The following CSAD variants were observed in gnomAD, a reference collection of about 807,000 sequenced individuals.
CSAD encodes cysteine sulfinic acid decarboxylase.
In CSAD, 47 loss-of-function variants were observed where a neutral mutation model predicts 61.5. That is an observed-to-expected ratio of 0.76 (90% CI 0.60 to 0.97). The LOEUF is 0.97. Ranked by LOEUF, CSAD falls within the 50% of genes least tolerant of loss-of-function variation. CSAD has a pLI of 0.00. For missense variants in CSAD, 611 were observed against 643.6 expected (o/e 0.95, Z 0.55); for synonymous variants, 245 against 252.7 (o/e 0.97, Z 0.29).
At chr12:53,169,679 T>C (rs943329537) in intron 10 of CSAD, among the ~76,000 whole-genome samples, 1 of 151,988 alleles carries the variant, frequency 6.6e-6, no homozygotes, top group Non-Finnish European at 1.5e-5. Context: ...CCCCTCGAAG[T>C]AGAGGAGAGT....
rs530202719 is a variant in CSAD, at chr12:53,180,503, G to A, written c.-91+229C>T. Reference sequence around the variant, plus strand: ...GGCGGCCGGGGCGCGCCCCGGCCACGGCGCACGCGCCGGCCTCAGCGCTCC... The same window carrying A: ...GGCGGCCGGGGCGCGCCCCGGCCACAGCGCACGCGCCGGCCTCAGCGCTCC... On this transcript the variant is annotated intron_variant, in intron 1 of 16. Transcript: ENST00000444623. 4.9e-5 allele frequency: 61 copies of A among 1,250,796 alleles called. 1 individual carries two copies. The Admixed American group carries it at 1.3e-3, about 27-fold the overall frequency. The allele number at this position is 1,250,796 out of a possible 1,614,324, so 77.5% of individuals were successfully genotyped here.
rs1166411678 is a variant in CSAD, at chr12:53,180,772, G to C, written c.-131C>G. ...GGCAGCCGCGGCGGTGGGGTTGGCA[G>C]GGTGTGCTGGGGCCTGGAGGAGGCG... On this transcript the variant is annotated 5_prime_UTR_variant, in exon 1 of 17. Coordinates refer to ENST00000444623, the MANE Select transcript of CSAD (RefSeq NM_001244705.2). 1 of 1,272,128 alleles carries C rather than the reference G, an allele frequency of 7.9e-7. No homozygotes were observed. Among genetic ancestry groups the C allele is most frequent in the Non-Finnish European group, 1.0e-6 (1 of 981,636 alleles). 78.8% of individuals were successfully genotyped at this position (1,272,128 alleles called of 1,614,324 possible).
chr12:53,170,467 C>T lies in CSAD; in HGVS notation c.603G>A (p.Leu201=). 3.7e-6 allele frequency: 6 copies of T among 1,614,096 alleles called. No homozygotes were observed. Among genetic ancestry groups the T allele is most frequent in the Non-Finnish European group, 5.1e-6 (6 of 1,180,014 alleles). ...HYSIQKGAAF[L]GLGTDSVRVV... Reference sequence around the variant, plus strand: ...CTCGGACACTGTCGGTGCCAAGTCCCAGAAACGCAGCTCCCTTCTGGATGG... The same window carrying T: ...CTCGGACACTGTCGGTGCCAAGTCCTAGAAACGCAGCTCCCTTCTGGATGG... Residue 201 remains leucine (L), a synonymous_variant, in exon 9 of 17, where the codon CTG becomes CTA. Transcript: ENST00000444623.
Position 53,171,895 on chromosome 12 carries a change from T to G in CSAD, c.438A>C (p.Gly146=), listed in dbSNP as rs1175698868. The change falls in exon 7 of 17, where the codon GGA becomes GGC. Residue 146 remains glycine, a synonymous_variant. Coordinates refer to ENST00000444623, the MANE Select transcript of CSAD (RefSeq NM_001244705.2). ...CTTCTCACAAACCAGGGCAGAAGAT[T>G]CCGTCCCCAGAGCTCCAGCCCACCA... The part of the protein sequence containing the change: ...RALVGWSSGD[G]IFCPGGSISN... 1.2e-6 allele frequency: 2 copies of G among 1,612,558 alleles called. No homozygotes were observed. Among genetic ancestry groups the G allele is most frequent in the Non-Finnish European group, 8.5e-7 (1 of 1,178,664 alleles).
At position 53,180,868 on chromosome 12, in the gene CSAD, G is replaced by T. The variant is rs1032383907; in HGVS notation, c.-227C>A. The T allele has an allele frequency of 8.0e-7, 1 of 1,245,784 alleles. No individual in the cohort carries two copies. Among genetic ancestry groups the T allele is most frequent in the Non-Finnish European group, 1.0e-6 (1 of 969,256 alleles). 77.2% of individuals were successfully genotyped at this position (1,245,784 alleles called of 1,614,324 possible). A position where few individuals can be genotyped will look rare whatever the true frequency, so the allele number is the denominator to read the frequency against. On this transcript the variant is annotated 5_prime_UTR_variant, in exon 1 of 17. Transcript: ENST00000444623. ...AGCAAGCCCCAAAGACCGCAGCGTC[G>T]TCCGTACAGACGGCAGCGCTTCAGT...
chr12:53,179,443 A>AG (rs1159168506), intron 1 of CSAD, among the ~76,000 whole-genome samples: 1 of 152,218 alleles, frequency 6.6e-6, no homozygotes, highest in African/African-American at 2.4e-5. Flanking sequence ...GGATAAGTAG[A>AG]GGGGGAGAAT....
chr12:53,180,648 G>A, intron 1 of CSAD, 84 bp downstream of exon 1: 1 of 1,283,690 alleles, frequency 7.8e-7, no homozygotes, highest in Non-Finnish European at 1.0e-6. Context: ...CCCGGAAGTG[G>A]ATGCAGCCGC....
intron 1 of CSAD, chr12:53,179,946 A>G (rs941936092): frequency 6.4e-6 from 10 of 1,570,612 alleles, no homozygotes; most frequent in Non-Finnish European, 8.6e-6. Context: ...GACTCCCATA[A>G]GACTAGTCTA....
intron 10 of CSAD, among the ~76,000 whole-genome samples, chr12:53,168,154 T>C (rs1940138214): frequency 6.6e-6 from 1 of 152,194 alleles, no homozygotes; most frequent in Admixed American, 6.5e-5. Context: ...ATTCCAGAAT[T>C]CACAACAGGC....
intron 6 of CSAD, 80 bp from the exon 7 acceptor site, chr12:53,172,068 A>T (rs1436004330): frequency 4.0e-6 from 4 of 994,458 alleles, no homozygotes; most frequent in Non-Finnish European, 6.2e-6. Flanking sequence ...CAGGAGTCAC[A>T]AAAAGGAGGC....
In CSAD at chr12:53,180,783, G is replaced by A; in HGVS notation, c.-142C>T. 1 of 1,273,426 alleles carries A rather than the reference G, an allele frequency of 7.9e-7. No individual in the cohort carries two copies. The highest frequency in any genetic ancestry group is 1.6e-5 in the African/African-American group (1 of 63,596). The allele number at this position is 1,273,426 out of a possible 1,614,324, so 78.9% of individuals were successfully genotyped here. ...CGGTGGGGTTGGCAGGGTGTGCTGG[G>A]GCCTGGAGGAGGCGCCGCGCGGCCA... On this transcript the variant is annotated 5_prime_UTR_variant, in exon 1 of 17. Transcript: ENST00000444623.
rs1941539638 is a variant in CSAD at position 53,180,709 on chromosome 12, GGGGTTGGT to G, written c.-91+15_-91+22del. ...GGAAGTGCTTCCGGGGAAACGGGCC[GGGGTTGGT>G]GTTTGTAAACTTGCCTCGGTCCCGG... On this transcript the variant is annotated intron_variant, in intron 1 of 16. Coordinates refer to ENST00000444623, the MANE Select transcript of CSAD (RefSeq NM_001244705.2). 8.7e-6 allele frequency: 11 copies of G among 1,267,698 alleles called. No homozygotes were observed. Among genetic ancestry groups the G allele is most frequent in the Non-Finnish European group, 1.1e-5 (11 of 978,214 alleles). The allele number at this position is 1,267,698 out of a possible 1,614,324, so 78.5% of individuals were successfully genotyped here. A position where few individuals can be genotyped will look rare whatever the true frequency, so the allele number is the denominator to read the frequency against.
chr12:53,176,334 C>T (rs1161999098), intron 2 of CSAD, among the ~76,000 whole-genome samples: 1 of 151,868 alleles, frequency 6.6e-6, no homozygotes, highest in African/African-American at 2.4e-5. Flanking sequence ...CGCTTGAACC[C>T]GGGAGGCAGA....
intron 2 of CSAD, among the ~76,000 whole-genome samples, chr12:53,174,775 G>A (rs1013938980): frequency 2.0e-5 from 3 of 152,176 alleles, no homozygotes; most frequent in African/African-American, 7.2e-5. Flanking sequence ...CTGGGCGACA[G>A]AGTGGGACTC....
intron 1 of CSAD, chr12:53,179,954 C>T (rs1941439131): frequency 6.4e-7 from 1 of 1,551,732 alleles, no homozygotes; most frequent in African/African-American, 1.4e-5. Flanking sequence ...TAAGACTAGT[C>T]TACTGTGGGA....
At chr12:53,172,710 AC>A (rs946809111) in intron 4 of CSAD, 62 bp from the exon 5 acceptor site, 2 of 1,523,530 alleles carry the variant, frequency 1.3e-6, no homozygotes, top group African/African-American at 2.8e-5. Context: ...GTCAAACCAC[AC>A]CTCCACAGAC....
rs1335363298 is a variant in CSAD at position 53,161,336 on chromosome 12, GGCCCCTA to G, written c.749_755del (p.Leu250ProfsTer112). The G allele has an allele frequency of 6.2e-7, 1 of 1,614,058 alleles. No homozygotes were observed. Among genetic ancestry groups the G allele is most frequent in the East Asian group, 2.2e-5 (1 of 44,834 alleles). On this transcript the variant is annotated frameshift_variant, in exon 11 of 17. Transcript: ENST00000444623. LOFTEE classifies it high-confidence loss of function. The stretch of plus-strand genomic sequence containing the variant: ...CAGCAATTGCCTCCAGGGGGTCAAA[GGCCCCTA>G]GCACAGTGGTGCCAGAGGTGGCACT...
intron 10 of CSAD, among the ~76,000 whole-genome samples, chr12:53,166,845 G>A (rs1055303798): frequency 6.6e-6 from 1 of 152,094 alleles, no homozygotes; most frequent in African/African-American, 2.4e-5. Context: ...AAGAGTTCTG[G>A]AGACTGGTTG....
intron 10 of CSAD, among the ~76,000 whole-genome samples, chr12:53,162,370 C>G (rs188861109): frequency 1.3e-5 from 2 of 150,074 alleles, no homozygotes; most frequent in East Asian, 4.1e-4. Context: ...GAGTTCAAGA[C>G]CAGCCTGGCC....
Sources: gnomAD v4.1 joint callset for allele counts (sites outside exome capture counted in the v4.1 genomes callset) on GRCh38, gnomAD v4.1.1 for gene constraint, MANE v1.5 for transcripts, NCBI Gene and HGNC (gene_info 2026-07-23, HGNC 2026-07-21) for gene names.